Variants in CYP2C19 observed in about 807,000 individuals in gnomAD.
CYP2C19 encodes cytochrome P450 family 2 subfamily C member 19.
In CYP2C19, 59 loss-of-function variants were observed where a neutral mutation model predicts 40.9. The observed-to-expected ratio is 1.44, with a 90% CI of 1.17 to 1.79. CYP2C19 has a LOEUF of 1.79. CYP2C19 is among the 40% of genes most tolerant of loss of function. CYP2C19 has a pLI of 0.00. For missense variants in CYP2C19, 754 were observed against 596.9 expected, an observed-to-expected ratio of 1.26 and a Z score of -2.74; for synonymous variants, 253 against 208.7, an observed-to-expected ratio of 1.21 and a Z score of -1.83.
intron 5 of CYP2C19, among the ~76,000 whole-genome samples, chr10:94,788,259 C>A (rs1042475037): frequency 1.3e-5 from 2 of 152,010 alleles, no homozygotes; most frequent in African/African-American, 2.4e-5. Context: ...TTGTATATCA[C>A]TTCCAGGAGC....
chr10:94,833,000 G>A (rs1408483510), intron 6 of CYP2C19, among the ~76,000 whole-genome samples: 1 of 151,778 alleles, frequency 6.6e-6, no homozygotes, highest in Non-Finnish European at 1.5e-5. Flanking sequence ...TAATTCCTAG[G>A]TATTTTATTT....
At chr10:94,785,046 T>C (rs1848524195) in intron 5 of CYP2C19, among the ~76,000 whole-genome samples, 1 of 152,174 alleles carries the variant, frequency 6.6e-6, no homozygotes, top group Non-Finnish European at 1.5e-5. Context: ...GCTATTAGAA[T>C]TGTTTATGTT....
intron 7 of CYP2C19, among the ~76,000 whole-genome samples, chr10:94,846,648 C>T (rs1264599282): frequency 6.6e-6 from 1 of 151,914 alleles, no homozygotes; most frequent in African/African-American, 2.4e-5. Flanking sequence ...ATTATTCCTT[C>T]TGTATTTTTT....
At chr10:94,847,026 G>T (rs1476170973) in intron 7 of CYP2C19, among the ~76,000 whole-genome samples, 1 of 151,538 alleles carries the variant, frequency 6.6e-6, no homozygotes, top group Non-Finnish European at 1.5e-5. Context: ...TAGACACTCT[G>T]GCCATTTCCC....
At position 94,775,521 on chromosome 10, in the gene CYP2C19, G is replaced by T. The variant is rs374036992; in HGVS notation, c.463G>T (p.Glu155Ter). ...VQEEARCLVEELRKTKASPCD... is the reference protein window; with the variant it reads ...VQEEARCLVE ...AGAGGAAGCCCGCTGCCTTGTGGAG[G>T]AGTTGAGAAAAACCAAGGGTGGGTG... Residue 155 changes from glutamate (E) to a stop codon, truncating the protein, a stop_gained, in exon 3 of 9, where the codon GAG becomes TAG. Coordinates refer to ENST00000371321, the MANE Select transcript of CYP2C19 (RefSeq NM_000769.4). LOFTEE classifies it high-confidence loss of function. 2.0e-5 allele frequency: 33 copies of T among 1,613,848 alleles called. No homozygotes were observed. The highest frequency in any genetic ancestry group is 2.5e-5 in the Non-Finnish European group (29 of 1,179,914).
intron 5 of CYP2C19, among the ~76,000 whole-genome samples, chr10:94,816,847 T>C (rs1328401850): frequency 2.1e-4 from 31 of 149,886 alleles, no homozygotes; most frequent in East Asian, 8.0e-4. Context: ...TTTGTTCTTG[T>C]GATAGTTTAC....
chr10:94,809,040 A>C (rs1848876253), intron 5 of CYP2C19, among the ~76,000 whole-genome samples: 1 of 152,192 alleles, frequency 6.6e-6, no homozygotes, highest in African/African-American at 2.4e-5. Context: ...TATGAATTTA[A>C]ATTTCCACAA....
At chr10:94,818,096 C>T (rs1237050277) in intron 5 of CYP2C19, among the ~76,000 whole-genome samples, 1 of 148,788 alleles carries the variant, frequency 6.7e-6, no homozygotes, top group African/African-American at 2.5e-5. Context: ...CCAGTTTCAG[C>T]TTTCTACATA....
chr10:94,772,356 A>G (rs1431679228), intron 1 of CYP2C19, among the ~76,000 whole-genome samples: 2 of 152,148 alleles, frequency 1.3e-5, no homozygotes, highest in African/African-American at 2.4e-5. Flanking sequence ...AAGGTAACAG[A>G]GTCCTGGAGT....
intron 3 of CYP2C19, chr10:94,776,471 G>C (rs1025424541): frequency 1.3e-5 from 2 of 152,034 alleles, no homozygotes; most frequent in Non-Finnish European, 2.9e-5. Context: ...TTTAAATTCT[G>C]TTTTCCAAAT....
intron 3 of CYP2C19, among the ~76,000 whole-genome samples, chr10:94,776,894 A>G (rs1216491204): frequency 6.6e-6 from 1 of 152,162 alleles, no homozygotes. Flanking sequence ...TTGTATATTT[A>G]GAAAACCCCA....
At chr10:94,769,975 T>A (rs978418205) in intron 1 of CYP2C19, among the ~76,000 whole-genome samples, 1 of 152,226 alleles carries the variant, frequency 6.6e-6, no homozygotes, top group East Asian at 1.9e-4. Context: ...AAGAGCAAAG[T>A]CTCCCAATTA....
At chr10:94,798,814 AT>A (rs61240923) in intron 5 of CYP2C19, among the ~76,000 whole-genome samples, 3,824 of 67,574 alleles carry the variant, frequency 0.057, 40 homozygotes, top group South Asian at 0.066. Flanking sequence ...GCAACCCCTG[AT>A]TTTTTTTTTT....
intron 6 of CYP2C19, among the ~76,000 whole-genome samples, chr10:94,822,050 TC>T (rs1849131072): frequency 6.6e-6 from 1 of 152,202 alleles, no homozygotes; most frequent in South Asian, 2.1e-4. Context: ...TATTTGGTTT[TC>T]TGTTCTTGTA....
intron 3 of CYP2C19, among the ~76,000 whole-genome samples, chr10:94,777,475 C>G (rs1461785273): frequency 6.6e-6 from 1 of 151,150 alleles, no homozygotes; most frequent in African/African-American, 2.5e-5. Flanking sequence ...TGGAACAGAA[C>G]AGAGACCTCA....
chr10:94,812,793 C>T (rs2134261409), intron 5 of CYP2C19, among the ~76,000 whole-genome samples: 1 of 151,920 alleles, frequency 6.6e-6, no homozygotes, highest in Admixed American at 6.5e-5. Flanking sequence ...AGCTTCTTTG[C>T]AATGGGTTAG....
chr10:94,782,071 T>C (rs770068675), intron 5 of CYP2C19, 74 bp downstream of exon 5: 240 of 1,285,574 alleles, frequency 1.9e-4, no homozygotes, highest in Non-Finnish European at 2.4e-4. Context: ...TTGTGTTTAC[T>C]ACGGATGTTT....
intron 6 of CYP2C19, among the ~76,000 whole-genome samples, chr10:94,826,423 G>T (rs1849222929): frequency 6.6e-6 from 1 of 152,254 alleles, no homozygotes; most frequent in Non-Finnish European, 1.5e-5. Context: ...TGAAGCAATT[G>T]TGAATGGTAG....
chr10:94,816,801 T>A (rs1302107944), intron 5 of CYP2C19, among the ~76,000 whole-genome samples: 1 of 148,952 alleles, frequency 6.7e-6, no homozygotes, highest in African/African-American at 2.5e-5. Context: ...ATTGTTCAAT[T>A]CCCACCTATG....
Sources: gnomAD v4.1 joint callset for allele counts (sites outside exome capture counted in the v4.1 genomes callset) on GRCh38, gnomAD v4.1.1 for gene constraint, MANE v1.5 for transcripts, NCBI Gene and HGNC (gene_info 2026-07-23, HGNC 2026-07-21) for gene names.